LANCL3: variants seen among roughly 807,000 people sequenced by gnomAD.
LANCL3 encodes the protein lanC-like protein 3.
Under a neutral mutation model 26.5 loss-of-function variants are expected in LANCL3, and 19 were observed. The ratio of observed to expected loss-of-function variants is 0.72; its 90% CI spans 0.50 to 1.05. The LOEUF is 1.05. LANCL3 is among the 50% of genes least tolerant of loss of function. The pLI, the probability that LANCL3 is intolerant of heterozygous loss-of-function variation, is 0.00. For missense variants in LANCL3, 318 were observed against 362.7 expected (o/e 0.88, Z 1.00); for synonymous variants, 160 against 166.6 (o/e 0.96, Z 0.30).
At chrX:37,650,334 G>T (rs372917264) in intron 1 of LANCL3, among the ~76,000 whole-genome samples, 1 of 100,960 alleles carries the variant, frequency 9.9e-6, no homozygotes, top group Non-Finnish European at 2.0e-5. Flanking sequence ...CCCCAATGCC[G>T]GGTCCCATGC....
chrX:37,669,228 G>A (rs782371150), intron 4 of LANCL3, among the ~76,000 whole-genome samples: 4 of 110,683 alleles, frequency 3.6e-5, no homozygotes, highest in Non-Finnish European at 7.6e-5. Context: ...TTTGAGACAG[G>A]GTCTCACTCA....
chrX:37,674,786 T>C (rs1926756989), intron 4 of LANCL3, among the ~76,000 whole-genome samples: 1 of 111,114 alleles, frequency 9.0e-6, no homozygotes, highest in African/African-American at 3.3e-5. Context: ...ACCCCCTATG[T>C]AGTAGCAGTA....
chrX:37,581,631 T>C (rs1434362948), intron 1 of LANCL3, among the ~76,000 whole-genome samples: 3 of 111,912 alleles, frequency 2.7e-5, no homozygotes, highest in Non-Finnish European at 3.8e-5. Context: ...CAATTTAAAC[T>C]TAAAATGATC....
intron 4 of LANCL3, among the ~76,000 whole-genome samples, chrX:37,672,446 CAG>C (rs1341662127): frequency 5.4e-5 from 6 of 112,036 alleles, no homozygotes; most frequent in African/African-American, 1.6e-4. Flanking sequence ...AGTTTGCAAA[CAG>C]AGGATACACG....
At chrX:37,672,909 A>T (rs1926717653) in intron 4 of LANCL3, among the ~76,000 whole-genome samples, 1 of 112,282 alleles carries the variant, frequency 8.9e-6, no homozygotes, top group Non-Finnish European at 1.9e-5. Context: ...TAACAATTGC[A>T]TGTTAAAAAA....
intron 1 of LANCL3, among the ~76,000 whole-genome samples, chrX:37,595,199 A>G (rs1460342951): frequency 1.8e-5 from 2 of 111,847 alleles, no homozygotes; most frequent in African/African-American, 3.3e-5. Context: ...TTACTACTAC[A>G]GAGCAGAATG....
chrX:37,639,782 TCTTA>T (rs782452503), intron 1 of LANCL3, among the ~76,000 whole-genome samples: 24 of 111,230 alleles, frequency 2.2e-4, no homozygotes, highest in African/African-American at 7.5e-4. Flanking sequence ...GATTCTTCTC[TCTTA>T]CTTCCCCCAA....
chrX:37,666,214 T>G (rs1954497940), intron 3 of LANCL3, among the ~76,000 whole-genome samples: 1 of 112,133 alleles, frequency 8.9e-6, no homozygotes, highest in South Asian at 3.7e-4. Flanking sequence ...TTACAACTGT[T>G]TCAAAGGGAA....
intron 1 of LANCL3, among the ~76,000 whole-genome samples, chrX:37,654,417 G>C (rs1000412453): frequency 1.8e-5 from 2 of 112,226 alleles, no homozygotes; most frequent in African/African-American, 3.2e-5. Context: ...ACTTTTTATT[G>C]ATCCCAGATT....
chrX:37,683,422 T>A lies in LANCL3; in HGVS notation c.*7609T>A, dbSNP rs1926984502. On this transcript the variant is annotated 3_prime_UTR_variant, in exon 5 of 5. Coordinates refer to ENST00000378619, the MANE Select transcript of LANCL3 (RefSeq NM_001170331.2). ...TGCAATATATTTGCCTTGGCACAAA[T>A]GCAGAGTTAAAAACATAAAATTATA... is the stretch of plus-strand genomic sequence containing the variant. The A allele has an allele frequency of 8.9e-6, 1 of 111,965 alleles. No individual in the cohort carries two copies. Among genetic ancestry groups the A allele is most frequent in the Non-Finnish European group, 1.9e-5 (1 of 53,146 alleles). The allele number at this position is 111,965 out of a possible 1,213,427, so 9.2% of individuals were successfully genotyped here.
intron 1 of LANCL3, among the ~76,000 whole-genome samples, chrX:37,616,639 T>C (rs1925017464): frequency 8.9e-6 from 1 of 112,184 alleles, no homozygotes; most frequent in African/African-American, 3.2e-5. Flanking sequence ...TGCTAGGAAC[T>C]TGAGGTAACA....
chrX:37,578,856 T>A (rs1465520980), intron 1 of LANCL3, among the ~76,000 whole-genome samples: 2 of 108,539 alleles, frequency 1.8e-5, no homozygotes, highest in African/African-American at 6.7e-5. Context: ...GGTAGGTGCC[T>A]GTAATCCTAG....
chrX:37,590,250 A>G (rs1436809254), intron 1 of LANCL3, among the ~76,000 whole-genome samples: 1 of 112,796 alleles, frequency 8.9e-6, no homozygotes, highest in Non-Finnish European at 1.9e-5. Context: ...TAATTTGCTT[A>G]CATAGCACTA....
chrX:37,575,313 G>A (rs1556416296), intron 1 of LANCL3, among the ~76,000 whole-genome samples: 1 of 110,933 alleles, frequency 9.0e-6, no homozygotes, highest in African/African-American at 3.3e-5. Flanking sequence ...TCCCCCTTTC[G>A]TGATTTGTTT....
Position 37,680,852 on chromosome X carries a change from T to C in LANCL3, c.*5039T>C, listed in dbSNP as rs918779053. 12 of 111,656 alleles carry C rather than the reference T, an allele frequency of 1.1e-4. No homozygotes were observed. The highest frequency in any genetic ancestry group is 3.6e-4 in the African/African-American group (11 of 30,710). The allele number at this position is 111,656 out of a possible 1,213,427, so 9.2% of individuals were successfully genotyped here. A position where few individuals can be genotyped will look rare whatever the true frequency, so the allele number is the denominator to read the frequency against. ...CTGTGTGCGAGTGTGTGTGTGTGTG[T>C]GTGTAAGTAGTTGAGTGAAAAAGAA... is the stretch of plus-strand genomic sequence containing the variant. On this transcript the variant is annotated 3_prime_UTR_variant, in exon 5 of 5. Coordinates refer to ENST00000378619, the MANE Select transcript of LANCL3 (RefSeq NM_001170331.2).
At chrX:37,575,301 T>G (rs1923717523) in intron 1 of LANCL3, among the ~76,000 whole-genome samples, 1 of 111,306 alleles carries the variant, frequency 9.0e-6, no homozygotes, top group African/African-American at 3.3e-5. Context: ...ACCCTCAACT[T>G]ATCCCCCTTT....
chrX:37,633,769 T>C (rs1007532525), intron 1 of LANCL3, among the ~76,000 whole-genome samples: 9 of 111,762 alleles, frequency 8.1e-5, no homozygotes, highest in South Asian at 3.8e-4. Flanking sequence ...CAAATGCTGC[T>C]GTCTGATCGT....
Position 37,680,907 on chromosome X carries a change from C to T in LANCL3, c.*5094C>T, listed in dbSNP as rs1256730659. 1.8e-5 allele frequency: 2 copies of T among 111,434 alleles called. No individual in the cohort carries two copies. Among genetic ancestry groups the T allele is most frequent in the African/African-American group, 6.5e-5 (2 of 30,637 alleles). The allele number at this position is 111,434 out of a possible 1,213,427, so 9.2% of individuals were successfully genotyped here. On this transcript the variant is annotated 3_prime_UTR_variant, in exon 5 of 5. Transcript: ENST00000378619. Reference sequence around the variant, plus strand: ...ACTGACTTAAGGAGAGTCAATATCGCATATGAATCAAAAGCCAACATTTAG... The same window carrying T: ...ACTGACTTAAGGAGAGTCAATATCGTATATGAATCAAAAGCCAACATTTAG...
intron 1 of LANCL3, among the ~76,000 whole-genome samples, chrX:37,650,210 G>C (rs1926102383): frequency 9.6e-6 from 1 of 104,008 alleles, no homozygotes. Context: ...GGCTGAGGCA[G>C]AAGAATTGCT....
Sources: allele counts gnomAD v4.1 joint callset (sites outside exome capture counted in the v4.1 genomes callset), GRCh38; gene constraint gnomAD v4.1.1; transcripts MANE v1.5; gene names NCBI Gene and HGNC (gene_info 2026-07-23, HGNC 2026-07-21).